INSC: variants seen among roughly 807,000 people sequenced by gnomAD.
The protein encoded by INSC is protein inscuteable homolog.
INSC carries 67 observed loss-of-function variants against 58.6 expected under a neutral mutation model. The ratio of observed to expected loss-of-function variants is 1.14; its 90% CI spans 0.94 to 1.40. The LOEUF (loss-of-function observed/expected upper bound fraction) is 1.40, where lower values mean the gene tolerates loss of function less well. INSC is among the 40% of genes most tolerant of loss of function. INSC has a pLI of 0.00. For missense variants in INSC, 714 were observed against 692.0 expected (o/e 1.03, Z -0.36); for synonymous variants, 262 against 276.1 (o/e 0.95, Z 0.51).
chr11:15,188,261 C>G (rs1590420357), intron 5 of INSC: 3 of 985,362 alleles, frequency 3.0e-6, no homozygotes, highest in Non-Finnish European at 3.6e-6. Flanking sequence ...GAGACCCACT[C>G]TCCTATTTGG....
intron 2 of INSC, among the ~76,000 whole-genome samples, chr11:15,156,343 C>G (rs1848815106): frequency 6.6e-6 from 1 of 152,206 alleles, no homozygotes; most frequent in Admixed American, 6.5e-5. Flanking sequence ...GCAGAAAGAG[C>G]TCCAGCTTTG....
chr11:15,142,806 TG>T (rs1254705877), intron 1 of INSC, among the ~76,000 whole-genome samples: 27 of 151,974 alleles, frequency 1.8e-4, no homozygotes, highest in Non-Finnish European at 3.5e-4. Flanking sequence ...TTTTTTTTTT[TG>T]TTTTTTTGTA....
the INSC span, among the ~76,000 whole-genome samples, chr11:15,267,136 T>A: frequency 6.6e-6 from 1 of 151,990 alleles, no homozygotes; most frequent in African/African-American, 2.4e-5. Context: ...GTTAACAGTT[T>A]TTTTGTCCAC....
chr11:15,172,960 T>C (rs1003768187), intron 2 of INSC, among the ~76,000 whole-genome samples: 5 of 152,182 alleles, frequency 3.3e-5, no homozygotes, highest in African/African-American at 1.2e-4. Context: ...TTAATATCTA[T>C]GTAGAAAGCC....
chr11:15,193,878 A>G (rs1055743905), intron 6 of INSC, among the ~76,000 whole-genome samples: 3 of 152,316 alleles, frequency 2.0e-5, no homozygotes, highest in African/African-American at 2.4e-5. Context: ...CTGCTTCTGG[A>G]AGGCAATTCT....
At chr11:15,150,644 T>A (rs763502398) in intron 2 of INSC, among the ~76,000 whole-genome samples, 1 of 151,868 alleles carries the variant, frequency 6.6e-6, no homozygotes, top group Non-Finnish European at 1.5e-5. Flanking sequence ...TAGGCGAGAG[T>A]AGAGGTCAGG....
intron 9 of INSC, among the ~76,000 whole-genome samples, chr11:15,227,001 G>A (rs183089969): frequency 7.4e-4 from 112 of 152,252 alleles, no homozygotes; most frequent in African/African-American, 2.5e-3. Flanking sequence ...GCTCCTATTC[G>A]GAGATAATTT....
At chr11:15,236,632 A>G (rs1214099353) in intron 10 of INSC, among the ~76,000 whole-genome samples, 2 of 152,160 alleles carry the variant, frequency 1.3e-5, no homozygotes, top group South Asian at 2.1e-4. Context: ...CTGCCAAAGG[A>G]CAAGGTGGTG....
At chr11:15,267,603 A>G in the INSC span, among the ~76,000 whole-genome samples, 1 of 151,900 alleles carries the variant, frequency 6.6e-6, no homozygotes, top group Non-Finnish European at 1.5e-5. Context: ...TTAAAAATAT[A>G]CCTATCATGT....
intron 10 of INSC, among the ~76,000 whole-genome samples, chr11:15,236,865 G>T (rs1191300530): frequency 6.6e-6 from 1 of 152,178 alleles, no homozygotes; most frequent in Non-Finnish European, 1.5e-5. Context: ...ACTAATTGAA[G>T]GACATCATTT....
the INSC span, among the ~76,000 whole-genome samples, chr11:15,258,163 A>C: frequency 6.6e-6 from 1 of 152,206 alleles, no homozygotes; most frequent in African/African-American, 2.4e-5. Context: ...TATATAAACT[A>C]TCCCAAAATG....
At chr11:15,254,415 G>T in the INSC span, among the ~76,000 whole-genome samples, 1 of 152,164 alleles carries the variant, frequency 6.6e-6, no homozygotes, top group Non-Finnish European at 1.5e-5. Context: ...AGATTAGAGG[G>T]TGGCAAGTTG....
intron 7 of INSC, among the ~76,000 whole-genome samples, chr11:15,210,505 T>TTGTGTGTGTGTGTGTGTGTG (rs56375160): frequency 1.5e-5 from 2 of 135,466 alleles, no homozygotes; most frequent in South Asian, 2.5e-4. Context: ...ATTTGAGAGT[T>TTGTGTGTGTGTGTGTGTGTG]TGTGTGTGTG....
At chr11:15,119,824 C>T (rs899670489) in intron 1 of INSC, among the ~76,000 whole-genome samples, 1 of 152,262 alleles carries the variant, frequency 6.6e-6, no homozygotes, top group African/African-American at 2.4e-5. Context: ...CCAGACAGAT[C>T]TGACTTGGAG....
At chr11:15,123,260 A>G (rs1201684319) in intron 1 of INSC, among the ~76,000 whole-genome samples, 2 of 152,216 alleles carry the variant, frequency 1.3e-5, no homozygotes, top group Non-Finnish European at 2.9e-5. Flanking sequence ...CCTTTATCAT[A>G]GTTTCAATTT....
At chr11:15,112,581 G>T (rs1181972412), upstream of INSC, 3 of 1,362,070 alleles carry the variant, frequency 2.2e-6, no homozygotes, top group East Asian at 2.8e-5. Context: ...TATCTGGGAA[G>T]GTGGATGTGA....
intron 1 of INSC, among the ~76,000 whole-genome samples, chr11:15,130,806 C>T (rs1434727726): frequency 6.6e-6 from 1 of 152,016 alleles, no homozygotes; most frequent in Non-Finnish European, 1.5e-5. Flanking sequence ...ATTTATCTAA[C>T]TTATTTATGT....
At chr11:15,135,230 A>G (rs1211946338) in intron 1 of INSC, among the ~76,000 whole-genome samples, 2 of 152,206 alleles carry the variant, frequency 1.3e-5, no homozygotes, top group African/African-American at 4.8e-5. Flanking sequence ...AAAGATTAAC[A>G]TTTATTGGGC....
chr11:15,209,173 G>A (rs1850924507), intron 7 of INSC, among the ~76,000 whole-genome samples: 1 of 152,148 alleles, frequency 6.6e-6, no homozygotes, highest in Non-Finnish European at 1.5e-5. Context: ...TGAGCAAGCT[G>A]CCTCCAGCAC....
Sources: allele counts gnomAD v4.1 joint callset (sites outside exome capture counted in the v4.1 genomes callset), GRCh38; gene constraint gnomAD v4.1.1; transcripts MANE v1.5; gene names NCBI Gene and HGNC (gene_info 2026-07-23, HGNC 2026-07-21).